Variants in PRAG1 observed in about 807,000 individuals in gnomAD.
The protein encoded by PRAG1 is PEAK1 related, kinase-activating pseudokinase 1.
A neutral mutation model predicts 95.6 loss-of-function variants in PRAG1; 110 were observed. The observed-to-expected ratio is 1.15, with a 90% CI of 0.99 to 1.35. The LOEUF is 1.35. PRAG1 is among the 40% of genes most tolerant of loss of function. The pLI is 0.00. For synonymous variants in PRAG1, 1,052 were observed against 819.4 expected (o/e 1.28, Z -4.85); for missense variants, 2,554 against 1,864.7 (o/e 1.37, Z -6.81).
chr8:8,341,334 G>A (rs1431978348), intron 3 of PRAG1, among the ~76,000 whole-genome samples: 2 of 151,610 alleles, frequency 1.3e-5, no homozygotes, highest in African/African-American at 4.9e-5. Context: ...ATATACATAT[G>A]CACACACACA....
intron 3 of PRAG1, among the ~76,000 whole-genome samples, chr8:8,365,271 C>T (rs766440695): frequency 2.3e-4 from 35 of 152,092 alleles, no homozygotes; most frequent in Non-Finnish European, 7.4e-5. Flanking sequence ...CTATCCCTCC[C>T]AAAGATTCTG....
intron 3 of PRAG1, among the ~76,000 whole-genome samples, chr8:8,368,229 C>T (rs754989254): frequency 6.6e-6 from 1 of 152,166 alleles, no homozygotes; most frequent in Non-Finnish European, 1.5e-5. Context: ...AAGTAGCCTT[C>T]GGCCTGGAAG....
chr8:8,323,321 C>CTTT (rs36045122), intron 5 of PRAG1, among the ~76,000 whole-genome samples: 6 of 138,032 alleles, frequency 4.3e-5, no homozygotes, highest in East Asian at 2.1e-4. Flanking sequence ...TTTTCCCTCC[C>CTTT]TTTTTTTTTT....
chr8:8,340,587 C>T (rs151256995), intron 3 of PRAG1, among the ~76,000 whole-genome samples: 11 of 152,370 alleles, frequency 7.2e-5, no homozygotes, highest in African/African-American at 2.6e-4. Context: ...GGGAAATATA[C>T]AGTACAGTAC....
rs372709302 is a variant in PRAG1 at position 8,328,476 on chromosome 8, C to A, written c.2321-15G>T. ...AGACGAGGGACCTGAAGAGGAGAGACAGAAACCATAAGACCAAGGCCAGTG... is the reference window on the plus strand; with the variant it reads ...AGACGAGGGACCTGAAGAGGAGAGAAAGAAACCATAAGACCAAGGCCAGTG... On this transcript the variant is annotated splice_polypyrimidine_tract_variant and intron_variant, in intron 4 of 5. Transcript: ENST00000615670. The A allele has an allele frequency of 6.2e-7, 1 of 1,612,434 alleles. No homozygotes were observed. The highest frequency in any genetic ancestry group is 8.5e-7 in the Non-Finnish European group (1 of 1,179,654).
rs1055880251 is a variant in PRAG1 at position 8,376,993 on chromosome 8, G to A, written c.1416C>T (p.Ala472=). 4 of 1,613,694 alleles carry A rather than the reference G, an allele frequency of 2.5e-6. No homozygotes were observed. The African/African-American group carries it at 5.3e-5, about 22-fold the overall frequency. ...GGTGGGCCGCCATGACTGTGATGGTGGCTGACACCTGGGGAGTTGGGTCTG... is the reference window on the plus strand; with the variant it reads ...GGTGGGCCGCCATGACTGTGATGGTAGCTGACACCTGGGGAGTTGGGTCTG... ...DSPDPTPQVS[A]TITVMAAHPE... Residue 472 remains alanine (A), a synonymous_variant, in exon 3 of 6, where the codon GCC becomes GCT. Coordinates refer to ENST00000615670, the MANE Select transcript of PRAG1 (RefSeq NM_001080826.3).
rs940506064 is a variant in PRAG1 at position 8,383,588 on chromosome 8, C to CA, written c.-87-1755dup. 1.5e-4 allele frequency among the ~76,000 whole-genome samples: 23 copies of CA among 150,400 alleles called. No homozygotes were observed. The South Asian group carries it at 1.9e-3, about 12-fold the overall frequency. On this transcript the variant is annotated intron_variant, in intron 1 of 5. Coordinates refer to ENST00000615670, the MANE Select transcript of PRAG1 (RefSeq NM_001080826.3). Reference sequence around the variant, plus strand: ...TAGAGTGAGACCCTGTCTAAAAAAACAAAAAAAAAGTTAAGAATAAAGCCC... The same window carrying CA: ...TAGAGTGAGACCCTGTCTAAAAAAACAAAAAAAAAAGTTAAGAATAAAGCCC...
intron 5 of PRAG1, among the ~76,000 whole-genome samples, chr8:8,326,969 G>A (rs527680085): frequency 1.3e-3 from 205 of 152,192 alleles, no homozygotes; most frequent in African/African-American, 4.2e-3. Flanking sequence ...TTCCTAGGTC[G>A]AATGCTCCTT....
At position 8,318,991 on chromosome 8, in the gene PRAG1, T is replaced by C. The variant is rs780803889; in HGVS notation, c.3384A>G (p.Gln1128=). 7 of 1,612,952 alleles carry C rather than the reference T, an allele frequency of 4.3e-6. No individual in the cohort carries two copies. The African/African-American group carries it at 5.4e-5, about 12-fold the overall frequency. ...YERRVCFLLL[Q]LCNGLEHLKE... is the part of the protein sequence containing the mutation. ...TCAGGTGCTCCAGCCCGTTGCAGAG[T>C]TGCAGAAGCAGGAAGCACACGCGCC... Residue 1128 remains glutamine, a synonymous_variant, in exon 6 of 6, where the codon CAA becomes CAG. Coordinates refer to ENST00000615670, the MANE Select transcript of PRAG1 (RefSeq NM_001080826.3). The surrounding 1 kb of genome is among the most constrained non-coding windows in gnomAD (Gnocchi z 4.2).
intron 2 of PRAG1, among the ~76,000 whole-genome samples, chr8:8,380,406 C>T (rs565304389): frequency 1.4e-4 from 21 of 151,524 alleles, no homozygotes; most frequent in African/African-American, 4.9e-4. Context: ...AGAGACCAGA[C>T]TAGCCAACAT....
At chr8:8,325,022 ACGAGGCT>A (rs1323938020) in intron 5 of PRAG1, among the ~76,000 whole-genome samples, 4 of 152,220 alleles carry the variant, frequency 2.6e-5, no homozygotes, top group African/African-American at 9.7e-5. Flanking sequence ...GCGACCGCAA[ACGAGGCT>A]CCGTCTGCCT....
chr8:8,318,715 G>A lies in PRAG1; in HGVS notation c.3660C>T (p.Ala1220=), dbSNP rs1194220756. 6 of 1,609,704 alleles carry A rather than the reference G, an allele frequency of 3.7e-6. No homozygotes were observed. The highest frequency in any genetic ancestry group is 5.1e-6 in the Non-Finnish European group (6 of 1,178,736). ...TTGGGGTGCCGCCCGGCTTCTGCTT[G>A]GCCTTCAAAAAGTTGCTGATGATGA... ...PRLIISNFLK[A]KQKPGGTPNL... The change falls in exon 6 of 6, where the codon GCC becomes GCT. Residue 1220 remains alanine, a synonymous_variant. Transcript: ENST00000615670. This position sits in a 1 kb window ranked among gnomAD's most constrained non-coding sequence, Gnocchi z 4.2.
intron 3 of PRAG1, among the ~76,000 whole-genome samples, chr8:8,348,343 C>G (rs973214015): frequency 6.6e-6 from 1 of 152,198 alleles, no homozygotes; most frequent in Non-Finnish European, 1.5e-5. Context: ...GCTTAGCCAC[C>G]ATGTTGGATT....
Position 8,376,273 on chromosome 8 carries a change from T to A in PRAG1, c.2136A>T (p.Ser712=). The A allele has an allele frequency of 1.2e-6, 2 of 1,613,140 alleles. No homozygotes were observed. Among genetic ancestry groups the A allele is most frequent in the Non-Finnish European group, 1.7e-6 (2 of 1,179,804 alleles). The change falls in exon 3 of 6, where the codon TCA becomes TCT. Residue 712 remains serine, a synonymous_variant. Coordinates refer to ENST00000615670, the MANE Select transcript of PRAG1 (RefSeq NM_001080826.3). ...GCGACTTTGGAGGCGGAGGAGGAGG[T>A]GAGAATGTCTCAATCCCACTTCTGT... ...PKDRSGIETF[S]PPPPPPKSRH...
In PRAG1 at chr8:8,378,090, C is replaced by T. The variant is rs1174735850; in HGVS notation, c.331-12G>A. Reference sequence around the variant, plus strand: ...CGTCTCCAGATGACCTACACACAAGCCCAACGCAAAAAGACTTATATTAGA... The same window carrying T: ...CGTCTCCAGATGACCTACACACAAGTCCAACGCAAAAAGACTTATATTAGA... On this transcript the variant is annotated splice_polypyrimidine_tract_variant and intron_variant, in intron 2 of 5. Transcript: ENST00000615670. 9 of 1,515,018 alleles carry T rather than the reference C, an allele frequency of 5.9e-6. No individual in the cohort carries two copies. In the East Asian group the frequency reaches 2.0e-4, roughly 34 times the overall value. The allele number at this position is 1,515,018 out of a possible 1,614,324, so 93.8% of individuals were successfully genotyped here. A position where few individuals can be genotyped will look rare whatever the true frequency, so the allele number is the denominator to read the frequency against.
Position 8,376,854 on chromosome 8 carries a change from C to A in PRAG1, c.1555G>T (p.Ala519Ser). The A allele has an allele frequency of 6.2e-7, 1 of 1,613,060 alleles. No homozygotes were observed. Among genetic ancestry groups the A allele is most frequent in the Non-Finnish European group, 8.5e-7 (1 of 1,180,010 alleles). The change falls in exon 3 of 6, where the codon GCT becomes TCT. Residue 519 changes from alanine to serine, a missense_variant. Physicochemically the swap from Ala to Ser is moderately conservative, Grantham distance 99. Transcript: ENST00000615670. Reference sequence around the variant, plus strand: ...TCCCTGGAGCTCAGCCCCTGCCCAGCCGAAGTCTCCTCTTCACCTACCTCG... The same window carrying A: ...TCCCTGGAGCTCAGCCCCTGCCCAGACGAAGTCTCCTCTTCACCTACCTCG... ...NSEVGEEETSAGQGLSSRESH... is the reference protein window; with the variant it reads ...NSEVGEEETSSGQGLSSRESH...
chr8:8,355,338 C>G (rs1178544672), intron 3 of PRAG1, among the ~76,000 whole-genome samples: 4 of 152,008 alleles, frequency 2.6e-5, no homozygotes, highest in Non-Finnish European at 5.9e-5. Context: ...TCCACACCAC[C>G]AAAAGTGATA....
chr8:8,362,043 C>T (rs1799861337), intron 3 of PRAG1, among the ~76,000 whole-genome samples: 1 of 152,186 alleles, frequency 6.6e-6, no homozygotes, highest in Non-Finnish European at 1.5e-5. Context: ...AATTCCTAAC[C>T]TCACGCACTT....
chr8:8,325,289 T>G (rs1798599074), intron 5 of PRAG1, among the ~76,000 whole-genome samples: 1 of 152,206 alleles, frequency 6.6e-6, no homozygotes, highest in South Asian at 2.1e-4. Flanking sequence ...CTGGTAACGT[T>G]GTTCCAAGAA....
Sources: gnomAD v4.1 joint callset for allele counts (sites outside exome capture counted in the v4.1 genomes callset) on GRCh38, gnomAD v4.1.1 for gene constraint, Gnocchi (gnomAD v3.1) non-coding constraint, MANE v1.5 for transcripts, NCBI Gene and HGNC (gene_info 2026-07-23, HGNC 2026-07-21) for gene names.